The following CSMD1 variants were observed in gnomAD, a reference collection of about 807,000 sequenced individuals.
CSMD1 encodes the protein CUB and Sushi multiple domains 1.
CSMD1 carries 213 observed loss-of-function variants against 417.5 expected under a neutral mutation model. The ratio of observed to expected loss-of-function variants is 0.51; its 90% confidence interval spans 0.46 to 0.57. CSMD1 has a LOEUF of 0.57. CSMD1 is among the 20% of genes least tolerant of loss of function. CSMD1 has a pLI of 0.00. For synonymous variants in CSMD1, 2,862 were observed against 1,736.8 expected (o/e 1.65, Z -16.11); for missense variants, 6,923 against 4,529.7 (o/e 1.53, Z -15.17).
chr8:4,650,253 G>A (rs1329247911), intron 1 of CSMD1, among the ~76,000 whole-genome samples: 2 of 149,138 alleles, frequency 1.3e-5, no homozygotes, highest in East Asian at 2.0e-4. Flanking sequence ...GCTGAGGCAG[G>A]AGAATGGCGT....
chr8:4,909,497 TC>T (rs1273215512), intron 1 of CSMD1, among the ~76,000 whole-genome samples: 1 of 152,258 alleles, frequency 6.6e-6, no homozygotes, highest in East Asian at 1.9e-4. Flanking sequence ...CAGAGATTTT[TC>T]CCTAAAGAGA....
intron 12 of CSMD1, among the ~76,000 whole-genome samples, chr8:3,428,426 A>T (rs147339598): frequency 1.3e-5 from 2 of 152,220 alleles, no homozygotes; most frequent in Non-Finnish European, 2.9e-5. Context: ...ACGAGAAACG[A>T]AACTGTCAAG....
intron 5 of CSMD1, among the ~76,000 whole-genome samples, chr8:3,932,772 T>G (rs988562599): frequency 6.6e-6 from 1 of 150,600 alleles, no homozygotes; most frequent in East Asian, 1.9e-4. Context: ...CCATAAAGGT[T>G]AATGAAGCTG....
intron 5 of CSMD1, among the ~76,000 whole-genome samples, chr8:3,913,745 G>A (rs1808614946): frequency 6.6e-6 from 1 of 152,066 alleles, no homozygotes; most frequent in African/African-American, 2.4e-5. Flanking sequence ...AAGGAATGTG[G>A]GTCACAGGAT....
chr8:3,765,807 G>A (rs951164714), intron 5 of CSMD1, among the ~76,000 whole-genome samples: 5 of 152,168 alleles, frequency 3.3e-5, no homozygotes, highest in African/African-American at 1.2e-4. Context: ...GGTGGAGACA[G>A]GTCTCAGGAA....
At position 3,391,639 on chromosome 8, in the gene CSMD1, T is replaced by G. The variant is rs1279471726; in HGVS notation, c.2594-3957A>C. Among the ~76,000 whole-genome samples the G allele has an allele frequency of 2.0e-5, 3 of 152,112 alleles. No individual in the cohort carries two copies. The East Asian group carries it at 5.8e-4, about 29-fold the overall frequency. The stretch of plus-strand genomic sequence containing the variant: ...TTCTAGGTTTGCTTTTACAAAAGCC[T>G]CAAAAAAATGACTTCAACCTTTGAG... On this transcript the variant is annotated intron_variant, in intron 17 of 69. Transcript: ENST00000635120.
chr8:4,032,382 G>C (rs567468132), intron 3 of CSMD1, among the ~76,000 whole-genome samples: 3 of 152,242 alleles, frequency 2.0e-5, no homozygotes, highest in South Asian at 2.1e-4. Flanking sequence ...ATAATGTCTG[G>C]ATTATATTTT....
chr8:3,242,547 C>A (rs890395497), intron 26 of CSMD1, among the ~76,000 whole-genome samples: 9 of 152,032 alleles, frequency 5.9e-5, no homozygotes, highest in Non-Finnish European at 1.2e-4. Flanking sequence ...CATTTTCTGA[C>A]TATTTGGAAC....
intron 3 of CSMD1, among the ~76,000 whole-genome samples, chr8:4,093,286 T>G (rs1800817081): frequency 1.3e-5 from 2 of 152,220 alleles, no homozygotes; most frequent in Admixed American, 1.3e-4. Context: ...AAAAATAATT[T>G]ATCCTATACA....
intron 41 of CSMD1, among the ~76,000 whole-genome samples, chr8:3,141,038 G>C (rs1173546512): frequency 3.9e-5 from 6 of 152,134 alleles, no homozygotes; most frequent in Non-Finnish European, 8.8e-5. Context: ...CTGCCATATG[G>C]ATCAACTCCG....
At chr8:3,701,678 C>G (rs1378678117) in intron 7 of CSMD1, among the ~76,000 whole-genome samples, 1 of 152,002 alleles carries the variant, frequency 6.6e-6, no homozygotes, top group East Asian at 1.9e-4. Flanking sequence ...GTATATTTTG[C>G]AAAATGGTTC....
At chr8:3,672,754 G>A (rs1184732775) in intron 7 of CSMD1, among the ~76,000 whole-genome samples, 2 of 152,134 alleles carry the variant, frequency 1.3e-5, no homozygotes, top group African/African-American at 4.8e-5. Context: ...CCAGGCAAAT[G>A]GAAGAAGGCT....
intron 2 of CSMD1, among the ~76,000 whole-genome samples, chr8:4,532,767 C>A (rs868505151): frequency 6.7e-6 from 1 of 148,884 alleles, no homozygotes; most frequent in Non-Finnish European, 1.5e-5. Flanking sequence ...TTCAGTCACT[C>A]CGGAAGAGAA....
chr8:3,883,355 C>T (rs1585136338), intron 5 of CSMD1, among the ~76,000 whole-genome samples: 1 of 152,052 alleles, frequency 6.6e-6, no homozygotes, highest in Admixed American at 6.6e-5. Flanking sequence ...AGTCAATTAA[C>T]ATGAAGTTTT....
chr8:4,711,539 T>C (rs770018175), intron 1 of CSMD1, among the ~76,000 whole-genome samples: 4 of 152,048 alleles, frequency 2.6e-5, no homozygotes, highest in Non-Finnish European at 5.9e-5. Flanking sequence ...AAAAGTGCTA[T>C]GGAAGGTTTT....
intron 5 of CSMD1, among the ~76,000 whole-genome samples, chr8:3,886,996 A>G (rs975904415): frequency 2.0e-5 from 3 of 152,140 alleles, no homozygotes; most frequent in Admixed American, 6.6e-5. Context: ...AGAAGCATTG[A>G]TCACCTGGTA....
intron 26 of CSMD1, among the ~76,000 whole-genome samples, chr8:3,257,914 T>G (rs1415128138): frequency 6.6e-6 from 1 of 152,068 alleles, no homozygotes; most frequent in Non-Finnish European, 1.5e-5. Flanking sequence ...GCGTGAAGCT[T>G]ATATTTTAAA....
rs1798703286 is a variant in CSMD1 at position 4,312,758 on chromosome 8, C to A, written c.415+107195G>T. On this transcript the variant is annotated intron_variant, in intron 3 of 69. Transcript: ENST00000635120. ...GCGTGGTGGCAGATACCTGTAATCC[C>A]AGCTACTCCGGAGGCTGAAGCAGGA... Among the ~76,000 whole-genome samples the A allele has an allele frequency of 2.0e-5, 3 of 152,034 alleles. No homozygotes were observed. The South Asian group carries it at 6.2e-4, about 32-fold the overall frequency.
chr8:4,146,262 GGC>G (rs1804115069), intron 3 of CSMD1, among the ~76,000 whole-genome samples: 1 of 151,034 alleles, frequency 6.6e-6, no homozygotes, highest in Non-Finnish European at 1.5e-5. Flanking sequence ...ATCCACTCGA[GGC>G]AGTAATTCGC....
Sources: gnomAD v4.1 joint callset for allele counts (sites outside exome capture counted in the v4.1 genomes callset) on GRCh38, gnomAD v4.1.1 for gene constraint, MANE v1.5 for transcripts, NCBI Gene and HGNC (gene_info 2026-07-23, HGNC 2026-07-21) for gene names.